Variants in KCNT1 observed in about 807,000 individuals in gnomAD.
KCNT1 encodes the protein potassium sodium-activated channel subfamily T member 1.
A neutral mutation model predicts 147.8 loss-of-function variants in KCNT1; 78 were observed. The ratio of observed to expected loss-of-function variants is 0.53; its 90% CI spans 0.44 to 0.64. The LOEUF is 0.64. KCNT1 is among the 30% of genes least tolerant of loss of function. The pLI, the probability that KCNT1 is intolerant of heterozygous loss-of-function variation, is 0.00. For synonymous variants in KCNT1, 867 were observed against 748.8 expected, an observed-to-expected ratio of 1.16 and a Z score of -2.58; for missense variants, 1,419 against 1,750.3, an observed-to-expected ratio of 0.81 and a Z score of 3.38.
intron 2 of KCNT1, among the ~76,000 whole-genome samples, chr9:135,727,035 C>T: frequency 1.3e-5 from 1 of 77,112 alleles, no homozygotes; most frequent in Non-Finnish European, 2.7e-5. Flanking sequence ...CTCTCTTTCC[C>T]ATTCTCTCTC....
Position 135,786,440 on chromosome 9 carries a change from T to TA in KCNT1, c.3422dup (p.Tyr1141Ter), listed in dbSNP as rs771497610. ...EWISQQRLSLYRRSERQELSE... is the reference protein window; with the variant it reads ...EWISQQRLSL ...GATCAGCCAGCAGCGCCTCAGCCTG[T>TA]ACCGGCGCTCTGAGCGCCAGGAGCT... Residue 1141 changes from tyrosine (Y) to a stop codon, truncating the protein, a stop_gained and frameshift_variant, in exon 29 of 31, where the codon TAC becomes TAAC. Transcript: ENST00000371757. LOFTEE classifies it high-confidence loss of function. The TA allele has an allele frequency of 6.3e-7, 1 of 1,596,854 alleles. No homozygotes were observed. Among genetic ancestry groups the TA allele is most frequent in the South Asian group, 1.1e-5 (1 of 89,154 alleles).
intron 24 of KCNT1, 58 bp from the exon 25 acceptor site, chr9:135,783,964 CTG>C: frequency 7.5e-7 from 1 of 1,337,018 alleles, no homozygotes; most frequent in Non-Finnish European, 1.1e-6. Context: ...GACCCCGTGG[CTG>C]CCGTGCCACT....
intron 20 of KCNT1, among the ~76,000 whole-genome samples, chr9:135,777,131 G>C (rs1833225776): frequency 6.6e-6 from 1 of 152,232 alleles, no homozygotes; most frequent in South Asian, 2.1e-4. Flanking sequence ...TGACATGACT[G>C]CTCTGTGCCG....
chr9:135,703,550 G>T (rs907082095), intron 1 of KCNT1, among the ~76,000 whole-genome samples: 17 of 152,194 alleles, frequency 1.1e-4, no homozygotes, highest in Admixed American at 2.0e-4. Context: ...CAGTGACTTG[G>T]TGATGTCCTT....
intron 16 of KCNT1, 61 bp from the exon 17 acceptor site, chr9:135,770,237 C>A: frequency 6.5e-7 from 1 of 1,538,894 alleles, no homozygotes; most frequent in Non-Finnish European, 8.8e-7. Context: ...CAGACCCAGC[C>A]GGGGAGAAGG....
At chr9:135,708,226 A>G (rs2131316629) in intron 1 of KCNT1, among the ~76,000 whole-genome samples, 1 of 152,312 alleles carries the variant, frequency 6.6e-6, no homozygotes. Flanking sequence ...ATGTGCATGC[A>G]CACATATGTC....
chr9:135,744,516 G>A (rs1010346534), intron 2 of KCNT1, among the ~76,000 whole-genome samples: 2 of 152,218 alleles, frequency 1.3e-5, no homozygotes, highest in African/African-American at 2.4e-5. Context: ...CCCTGCTGCC[G>A]CTACAGGGAG....
chr9:135,745,235 G>A (rs1451161880), intron 2 of KCNT1, among the ~76,000 whole-genome samples: 2 of 152,238 alleles, frequency 1.3e-5, no homozygotes, highest in Non-Finnish European at 2.9e-5. Context: ...GGGAGCCTGC[G>A]TTCACAGGCA....
At chr9:135,757,414 G>T (rs539313482) in intron 9 of KCNT1, 33 bp downstream of exon 9, 78 of 1,575,966 alleles carry the variant, frequency 4.9e-5, no homozygotes, top group Non-Finnish European at 6.5e-5. Context: ...GCTGGGACTT[G>T]GGGGGGCCAC....
intron 2 of KCNT1, among the ~76,000 whole-genome samples, chr9:135,739,582 A>C (rs866412505): frequency 1.3e-5 from 2 of 151,396 alleles, no homozygotes; most frequent in African/African-American, 2.4e-5. Flanking sequence ...CACCCTCTTC[A>C]TGGTGTTCAC....
At chr9:135,760,748 G>A (rs545589839) in intron 11 of KCNT1, among the ~76,000 whole-genome samples, 33 of 152,350 alleles carry the variant, frequency 2.2e-4, no homozygotes, top group African/African-American at 7.2e-4. Flanking sequence ...GGCCCCCAGC[G>A]TGGGCCATGT....
rs534295588 is a variant in KCNT1 at position 135,723,541 on chromosome 9, C to T, written c.254+8821C>T. Among the ~76,000 whole-genome samples, 13 of 152,300 alleles carry T rather than the reference C, an allele frequency of 8.5e-5. No homozygotes were observed. In the East Asian group the frequency reaches 1.2e-3, roughly 14 times the overall value. ...GTGGCTCCCGAAGGGGCATTTTGTG[C>T]CTGTGCGACCGACAGCTGTGCCCAC... On this transcript the variant is annotated intron_variant, in intron 2 of 30. Transcript: ENST00000371757.
intron 2 of KCNT1, among the ~76,000 whole-genome samples, chr9:135,731,975 T>G (rs1394487821): frequency 3.8e-5 from 1 of 26,442 alleles, no homozygotes; most frequent in East Asian, 1.5e-3. Flanking sequence ...TATATATATA[T>G]ATATATATAT....
At chr9:135,778,269 C>T (rs534945676) in intron 21 of KCNT1, 155 bp from the exon 22 acceptor site, 21 of 642,614 alleles carry the variant, frequency 3.3e-5, no homozygotes, top group East Asian at 1.4e-4. Context: ...AAGAATGGCC[C>T]ACTGGCCTTA....
rs368959528 is a variant in KCNT1 at position 135,753,070 on chromosome 9, AT to A, written c.435-866del. ...GATGGATGAGTGGATGGATAGAGGG[AT>A]GGATGGATGAGTGGATGGATGGAGG... On this transcript the variant is annotated intron_variant, in intron 4 of 30. Transcript: ENST00000371757. Among the ~76,000 whole-genome samples the A allele has an allele frequency of 1.7e-4, 26 of 149,728 alleles. No individual in the cohort carries two copies. In the East Asian group the frequency reaches 3.3e-3, roughly 19 times the overall value.
chr9:135,714,943 A>G lies in KCNT1; in HGVS notation c.254+223A>G, dbSNP rs1002991869. On this transcript the variant is annotated intron_variant, in intron 2 of 30. Coordinates refer to ENST00000371757, the MANE Select transcript of KCNT1 (RefSeq NM_020822.3). The surrounding 1 kb of genome is among the most constrained non-coding windows in gnomAD (Gnocchi z 6.2). ...CCGGAGGAGGGCGCGGGATGCTCGG[A>G]GCTGCGGAGTCTTCCAGAGCCCGAC... Among the ~76,000 whole-genome samples, 1 of 152,148 alleles carries G rather than the reference A, an allele frequency of 6.6e-6. No homozygotes were observed. Among genetic ancestry groups the G allele is most frequent in the Non-Finnish European group, 1.5e-5 (1 of 68,016 alleles).
chr9:135,726,325 G>A (rs1033408088), intron 2 of KCNT1, among the ~76,000 whole-genome samples: 2 of 152,074 alleles, frequency 1.3e-5, no homozygotes, highest in Non-Finnish European at 2.9e-5. Context: ...CCTGGGTCTC[G>A]GATCCCTTCC....
In KCNT1 at chr9:135,756,853, T is replaced by C. The variant is rs752998161; in HGVS notation, c.541-20T>C. 1.9e-6 allele frequency: 3 copies of C among 1,611,062 alleles called. No homozygotes were observed. Among genetic ancestry groups the C allele is most frequent in the Admixed American group, 1.7e-5 (1 of 59,970 alleles). ...CAGCCCCGGCCTGCTCCAGAGCTCC[T>C]TCCCTTTCCTGACTCCCAGGTCATC... On this transcript the variant is annotated intron_variant, in intron 6 of 30. Coordinates refer to ENST00000371757, the MANE Select transcript of KCNT1 (RefSeq NM_020822.3).
At chr9:135,787,756 T>G (rs1834178654) in intron 29 of KCNT1, among the ~76,000 whole-genome samples, 1 of 152,180 alleles carries the variant, frequency 6.6e-6, no homozygotes, top group African/African-American at 2.4e-5. Context: ...ATCCCCACAG[T>G]GTCCCTGTCC....
Sources: gnomAD v4.1 joint callset for allele counts (sites outside exome capture counted in the v4.1 genomes callset) on GRCh38, gnomAD v4.1.1 for gene constraint, Gnocchi (gnomAD v3.1) non-coding constraint, MANE v1.5 for transcripts, NCBI Gene and HGNC (gene_info 2026-07-23, HGNC 2026-07-21) for gene names.